Variants in GDAP2 observed in about 807,000 individuals in gnomAD.
The protein encoded by GDAP2 is ganglioside-induced differentiation-associated protein 2.
Under a neutral mutation model 67.0 loss-of-function variants are expected in GDAP2, and 51 were observed. That is an observed-to-expected ratio of 0.76 (90% confidence interval 0.61 to 0.96). The LOEUF (loss-of-function observed/expected upper bound fraction) is 0.96. Ranked by LOEUF, GDAP2 falls within the 40% of genes least tolerant of loss-of-function variation. The pLI is 0.00. For missense variants in GDAP2, 547 were observed against 588.3 expected, an observed-to-expected ratio of 0.93 and a Z score of 0.73; for synonymous variants, 203 against 207.3, an observed-to-expected ratio of 0.98 and a Z score of 0.18.
chr1:117,899,299 T>C (rs1649367752), intron 6 of GDAP2, 83 bp from the exon 7 acceptor site: 4 of 876,134 alleles, frequency 4.6e-6, no homozygotes, highest in South Asian at 4.4e-5. Flanking sequence ...GTTCATACAC[T>C]GTGAAGACAA....
At chr1:117,917,195 T>C (rs1012310092) in intron 3 of GDAP2, among the ~76,000 whole-genome samples, 7 of 152,218 alleles carry the variant, frequency 4.6e-5, no homozygotes, top group African/African-American at 1.7e-4. Flanking sequence ...TGGCTTATAC[T>C]TCCAGTCACA....
At chr1:117,882,553 C>G (rs1202334871) in intron 11 of GDAP2, among the ~76,000 whole-genome samples, 1 of 152,096 alleles carries the variant, frequency 6.6e-6, no homozygotes, top group East Asian at 1.9e-4. Context: ...CAGTAATCAA[C>G]ATTGGGTCAC....
intron 1 of GDAP2, among the ~76,000 whole-genome samples, chr1:117,924,661 A>G (rs564374680): frequency 3.2e-4 from 48 of 152,328 alleles, no homozygotes; most frequent in Non-Finnish European, 5.9e-4. Flanking sequence ...CATTTATATA[A>G]CAATTTCAGA....
In GDAP2 at chr1:117,887,772, T is replaced by C; in HGVS notation, c.956A>G (p.Tyr319Cys). 1 of 1,520,302 alleles carries C rather than the reference T, an allele frequency of 6.6e-7. No homozygotes were observed. The highest frequency in any genetic ancestry group is 9.1e-7 in the Non-Finnish European group (1 of 1,096,136). 94.2% of individuals were successfully genotyped at this position (1,520,302 alleles called of 1,614,324 possible). A position where few individuals can be genotyped will look rare whatever the true frequency, so the allele number is the denominator to read the frequency against. The change falls in exon 9 of 14, where the codon TAT (tyrosine) becomes TGT (cysteine). Residue 319 changes from tyrosine (Y) to cysteine (C), a missense_variant and splice_region_variant. Physicochemically the swap from Tyr to Cys is radical, Grantham distance 194. Transcript: ENST00000369443. ...AALQKQHQRN[Y>C]NRWLCQARSE... Reference sequence around the variant, plus strand: ...TCTTGCTTGACATAACCAGCGATTATAACTAGGGAAATAAATGATATAATC... The same window carrying C: ...TCTTGCTTGACATAACCAGCGATTACAACTAGGGAAATAAATGATATAATC...
chr1:117,908,760 G>A (rs981007994), intron 5 of GDAP2, among the ~76,000 whole-genome samples: 1 of 152,116 alleles, frequency 6.6e-6, no homozygotes, highest in Non-Finnish European at 1.5e-5. Flanking sequence ...AGGAGGTTGA[G>A]GCTGCATTGA....
rs115347404 is a variant in GDAP2 at position 117,880,260 on chromosome 1, C to T, written c.1302+1563G>A. Among the ~76,000 whole-genome samples, 710 of 152,018 alleles carry T rather than the reference C, an allele frequency of 4.7e-3. 5 individuals carry two copies. The highest frequency in any genetic ancestry group is 0.016 in the African/African-American group (658 of 41,458). On this transcript the variant is annotated intron_variant, in intron 12 of 13. Coordinates refer to ENST00000369443, the MANE Select transcript of GDAP2 (RefSeq NM_017686.4). ...GCAGCAGCTAGAAGTAGGAGAGAAACCAGGCAAGGTAAGTTTCAAAGAAGC... is the reference window on the plus strand; with the variant it reads ...GCAGCAGCTAGAAGTAGGAGAGAAATCAGGCAAGGTAAGTTTCAAAGAAGC...
At chr1:117,889,686 A>G (rs1648999678) in intron 8 of GDAP2, among the ~76,000 whole-genome samples, 1 of 152,170 alleles carries the variant, frequency 6.6e-6, no homozygotes, top group Non-Finnish European at 1.5e-5. Context: ...CAAAAATAAT[A>G]TAAAAACGTA....
intron 5 of GDAP2, among the ~76,000 whole-genome samples, chr1:117,907,513 C>G (rs947456940): frequency 1.5e-4 from 23 of 152,308 alleles, no homozygotes; most frequent in African/African-American, 4.8e-4. Flanking sequence ...CCGAACAAAC[C>G]TGGTCCTTTT....
intron 8 of GDAP2, 118 bp downstream of exon 8, chr1:117,896,715 G>A (rs771352667): frequency 1.9e-5 from 12 of 640,936 alleles, no homozygotes; most frequent in African/African-American, 3.7e-5. Context: ...CTCACTGATT[G>A]TCATGAAAAA....
Position 117,874,103 on chromosome 1 carries a change from C to T in GDAP2, c.1447-3487G>A, listed in dbSNP as rs546181240. Among the ~76,000 whole-genome samples, 298 of 152,316 alleles carry T rather than the reference C, an allele frequency of 2.0e-3. 1 individual carries two copies. Among genetic ancestry groups the T allele is most frequent in the African/African-American group, 7.0e-3 (291 of 41,576 alleles). On this transcript the variant is annotated intron_variant, in intron 13 of 13. Coordinates refer to ENST00000369443, the MANE Select transcript of GDAP2 (RefSeq NM_017686.4). ...TAATATGTAAAGTTACTGTATCCAG[C>T]GATGTGCTCTCTGCCTGACCCTTCC...
At chr1:117,877,706 T>G in intron 13 of GDAP2, 3 of 1,074,842 alleles carry the variant, frequency 2.8e-6, no homozygotes, top group Non-Finnish European at 3.4e-6. Flanking sequence ...TTAAGAAAAT[T>G]AGGCAGAGGT....
rs1649358252 is a variant in GDAP2 at position 117,899,121 on chromosome 1, T to G, written c.732A>C (p.Ala244=). 2 of 1,612,352 alleles carry G rather than the reference T, an allele frequency of 1.2e-6. No homozygotes were observed. The highest frequency in any genetic ancestry group is 1.7e-6 in the Non-Finnish European group (2 of 1,178,384). ...LPYLPADIGN[A]EGEPVVPERQ... is the part of the protein sequence containing the mutation. ...GTTCAGGTACCACAGGCTCCCCTTC[T>G]GCATTTCCAATATCTGCAGGTAGGT... is the stretch of plus-strand genomic sequence containing the variant. Residue 244 remains alanine, a synonymous_variant, in exon 7 of 14, where the codon GCA becomes GCC. Transcript: ENST00000369443.
At chr1:117,894,450 C>T (rs1365192820) in intron 8 of GDAP2, among the ~76,000 whole-genome samples, 1 of 152,134 alleles carries the variant, frequency 6.6e-6, no homozygotes, top group Admixed American at 6.5e-5. Context: ...AGCCTTACCA[C>T]AAATCAAGGC....
intron 6 of GDAP2, among the ~76,000 whole-genome samples, chr1:117,900,621 C>T (rs918506897): frequency 1.3e-5 from 2 of 151,408 alleles, no homozygotes; most frequent in Admixed American, 6.6e-5. Flanking sequence ...AAAAAATTAC[C>T]CAGGCGTGGT....
intron 3 of GDAP2, among the ~76,000 whole-genome samples, chr1:117,916,131 A>C (rs1356461299): frequency 1.3e-5 from 2 of 152,212 alleles, no homozygotes; most frequent in Non-Finnish European, 2.9e-5. Flanking sequence ...CAGGATTACA[A>C]TTGTGATAAG....
intron 10 of GDAP2, among the ~76,000 whole-genome samples, chr1:117,884,951 T>C (rs551008885): frequency 1.3e-5 from 2 of 151,986 alleles, no homozygotes; most frequent in African/African-American, 4.8e-5. Context: ...GCTCAAATGA[T>C]CCTTCTGCCT....
intron 6 of GDAP2, among the ~76,000 whole-genome samples, chr1:117,900,364 A>T (rs1438983029): frequency 6.6e-6 from 1 of 152,158 alleles, no homozygotes; most frequent in Non-Finnish European, 1.5e-5. Flanking sequence ...GAACATTTTC[A>T]TCACTCTAAA....
At chr1:117,898,345 T>C (rs1321696404) in intron 7 of GDAP2, among the ~76,000 whole-genome samples, 1 of 152,236 alleles carries the variant, frequency 6.6e-6, no homozygotes, top group African/African-American at 2.4e-5. Flanking sequence ...AGACCACTTA[T>C]AATTCCCTCC....
At position 117,920,434 on chromosome 1, in the gene GDAP2, AAAAG is replaced by A. The variant is rs1650209172; in HGVS notation, c.-67-14_-67-11del. The A allele has an allele frequency of 3.4e-6, 3 of 893,546 alleles. No homozygotes were observed. Among genetic ancestry groups the A allele is most frequent in the South Asian group, 1.8e-5 (1 of 55,838 alleles). The allele number at this position is 893,546 out of a possible 1,614,324, so 55.4% of individuals were successfully genotyped here. A position where few individuals can be genotyped will look rare whatever the true frequency, so the allele number is the denominator to read the frequency against. ...TCACTGGAGACTTTAGCTTTAAGAG[AAAAG>A]AAAGAATCACTTTAATAGAGAAGCA... On this transcript the variant is annotated splice_polypyrimidine_tract_variant and intron_variant, in intron 1 of 13. Transcript: ENST00000369443.
Sources: gnomAD v4.1 joint callset for allele counts (sites outside exome capture counted in the v4.1 genomes callset) on GRCh38, gnomAD v4.1.1 for gene constraint, MANE v1.5 for transcripts, NCBI Gene and HGNC (gene_info 2026-07-23, HGNC 2026-07-21) for gene names.